The following SLC38A10 variants were observed in gnomAD, a reference collection of about 807,000 sequenced individuals.
SLC38A10 encodes the protein solute carrier family 38 member 10.
Under a neutral mutation model 81.0 loss-of-function variants are expected in SLC38A10, and 53 were observed. The ratio of observed to expected loss-of-function variants is 0.65; its 90% confidence interval spans 0.53 to 0.82. The LOEUF is 0.82. Ranked by LOEUF, SLC38A10 falls within the 40% of genes least tolerant of loss-of-function variation. SLC38A10 has a pLI of 0.00. For synonymous variants in SLC38A10, 665 were observed against 655.3 expected (o/e 1.01, Z -0.23); for missense variants, 1,471 against 1,545.0 (o/e 0.95, Z 0.80).
At chr17:81,285,967 T>C (rs1460388488) in intron 2 of SLC38A10, among the ~76,000 whole-genome samples, 3 of 152,154 alleles carry the variant, frequency 2.0e-5, no homozygotes, top group Non-Finnish European at 2.9e-5. Context: ...GACCTGCCTA[T>C]GGGCTCGCTG....
intron 11 of SLC38A10, 126 bp downstream of exon 11, chr17:81,260,112 C>T (rs2063007857): frequency 8.0e-7 from 1 of 1,242,828 alleles, no homozygotes; most frequent in Non-Finnish European, 1.1e-6. Context: ...GGTGGCCCCA[C>T]CCTGCTGGCT....
chr17:81,251,787 A>C (rs1467838857), intron 13 of SLC38A10, 175 bp from the exon 14 acceptor site: 17 of 668,820 alleles, frequency 2.5e-5, no homozygotes, highest in Non-Finnish European at 2.2e-6. Context: ...GCAATAAAAA[A>C]ATATTTAACA....
chr17:81,247,075 GCA>G lies in SLC38A10; in HGVS notation c.2066-16_2066-15del. The G allele has an allele frequency of 6.4e-7, 1 of 1,571,360 alleles. No individual in the cohort carries two copies. The highest frequency in any genetic ancestry group is 8.6e-7 in the Non-Finnish European group (1 of 1,160,862). Reference sequence around the variant, plus strand: ...CCCTGCCAGCTTCTGGGTTTGGAAAGCACACAGTCAGAGTGCCCGGGCTGCTC... The same window carrying G: ...CCCTGCCAGCTTCTGGGTTTGGAAAGCACAGTCAGAGTGCCCGGGCTGCTC... On this transcript the variant is annotated splice_polypyrimidine_tract_variant and intron_variant, in intron 14 of 15. Coordinates refer to ENST00000374759, the MANE Select transcript of SLC38A10 (RefSeq NM_001037984.3).
At chr17:81,294,627 G>T (rs975674310) in intron 1 of SLC38A10, among the ~76,000 whole-genome samples, 196 bp downstream of exon 1, 2 of 152,234 alleles carry the variant, frequency 1.3e-5, no homozygotes, top group South Asian at 4.1e-4. Context: ...GGCTGCCAGG[G>T]CCAACGCCGT....
intron 10 of SLC38A10, among the ~76,000 whole-genome samples, chr17:81,267,324 A>G (rs1262357119): frequency 6.6e-6 from 1 of 152,212 alleles, no homozygotes; most frequent in Non-Finnish European, 1.5e-5. Flanking sequence ...TAAAAAAATG[A>G]AGTCATTAAA....
At chr17:81,266,146 T>C (rs2063068390) in intron 10 of SLC38A10, among the ~76,000 whole-genome samples, 1 of 152,122 alleles carries the variant, frequency 6.6e-6, no homozygotes, top group South Asian at 2.1e-4. Context: ...CACAGGTGTG[T>C]GACGCCACAC....
rs765069453 is a variant in SLC38A10, at chr17:81,277,145, C to T, written c.627-12G>A. ...TGGGCAGCACCTGGCTGTATAGAAA[C>T]AGGCCATTTCACAGCGGACCTGAGA... On this transcript the variant is annotated splice_polypyrimidine_tract_variant and intron_variant, in intron 6 of 15. Coordinates refer to ENST00000374759, the MANE Select transcript of SLC38A10 (RefSeq NM_001037984.3). This position sits in a 1 kb window ranked among gnomAD's most constrained non-coding sequence, Gnocchi z 4.5. 2.5e-6 allele frequency: 4 copies of T among 1,613,072 alleles called. No individual in the cohort carries two copies. Among genetic ancestry groups the T allele is most frequent in the Non-Finnish European group, 2.5e-6 (3 of 1,179,526 alleles).
At position 81,269,216 on chromosome 17, in the gene SLC38A10, T is replaced by TA. The variant is rs554240902; in HGVS notation, c.1131+1701dup. ...TCTCACAACTCATAAACAAGATGAT[T>TA]AAAAAATCCATAAGGGGCTGGGTGT... On this transcript the variant is annotated intron_variant, in intron 10 of 15. Transcript: ENST00000374759. Among the ~76,000 whole-genome samples, 227 of 152,300 alleles carry TA rather than the reference T, an allele frequency of 1.5e-3. 1 individual carries two copies. Among genetic ancestry groups the TA allele is most frequent in the African/African-American group, 5.3e-3 (220 of 41,572 alleles).
At position 81,276,109 on chromosome 17, in the gene SLC38A10, C is replaced by T. The variant is rs751582985; in HGVS notation, c.772G>A (p.Gly258Ser). The T allele has an allele frequency of 2.5e-5, 41 of 1,613,488 alleles. No individual in the cohort carries two copies. Among genetic ancestry groups the T allele is most frequent in the Non-Finnish European group, 9.3e-6 (11 of 1,179,848 alleles). ...GYVSFTEATA[G>S]NVLMHFPSNL... is the part of the protein sequence containing the mutation. ...GAGGGAAAGTGCATGAGCACGTTGC[C>T]GGCCGTGGCCTCGGTGAAGCTGACG... is the stretch of plus-strand genomic sequence containing the variant. The change falls in exon 8 of 16, where the codon GGC (glycine) becomes AGC (serine). Residue 258 changes from glycine to serine, a missense_variant. By Grantham distance (56) the Gly-to-Ser change is moderately conservative. Coordinates refer to ENST00000374759, the MANE Select transcript of SLC38A10 (RefSeq NM_001037984.3). The surrounding 1 kb of genome is among the most constrained non-coding windows in gnomAD (Gnocchi z 4.7).
At chr17:81,260,713 G>A (rs887655881) in intron 10 of SLC38A10, among the ~76,000 whole-genome samples, 3 of 152,234 alleles carry the variant, frequency 2.0e-5, no homozygotes. Context: ...GCCAGCTGGG[G>A]TCATGGGCCA....
In SLC38A10 at chr17:81,253,160, C is replaced by A. The variant is rs1189085684; in HGVS notation, c.1369G>T (p.Ala457Ser). The change falls in exon 12 of 16, where the codon GCC (alanine) becomes TCC (serine). Residue 457 changes from alanine to serine, a missense_variant. Physicochemically the swap from Ala to Ser is moderately conservative, Grantham distance 99. This residue lies in a region of SLC38A10 where 720 missense variants were observed against 827.7 expected (regional missense o/e 0.87). Transcript: ENST00000374759. This position sits in a 1 kb window ranked among gnomAD's most constrained non-coding sequence, Gnocchi z 4.1. ...ACATCCACGGGCCCCTTGATCTGGG[C>A]CTGCTCCAGCTCCTCTCTCTCCTTC... ...LPKEREELEQ[A>S]QIKGPVDVPG... 1 of 1,613,846 alleles carries A rather than the reference C, an allele frequency of 6.2e-7. No homozygotes were observed. The highest frequency in any genetic ancestry group is 8.5e-7 in the Non-Finnish European group (1 of 1,180,048).
intron 1 of SLC38A10, 40 bp downstream of exon 1, chr17:81,294,783 G>C (rs1228453203): frequency 1.3e-6 from 2 of 1,520,738 alleles, no homozygotes; most frequent in East Asian, 2.6e-5. Context: ...CCCTCTGCGG[G>C]GGAGGCGAGG....
Position 81,253,329 on chromosome 17 carries a change from CCAAATGGCAG to C in SLC38A10, c.1289-99_1289-90del. On this transcript the variant is annotated intron_variant, in intron 11 of 15. Transcript: ENST00000374759. This position sits in a 1 kb window ranked among gnomAD's most constrained non-coding sequence, Gnocchi z 4.1. ...CCTGGACTGTTACCATATTTTCCAG[CCAAATGGCAG>C]AGTCAAAGCAGTTTCTTTTTCCTGT... is the stretch of plus-strand genomic sequence containing the variant. 6.8e-7 allele frequency: 1 copy of C among 1,473,768 alleles called. No homozygotes were observed. The highest frequency in any genetic ancestry group is 9.1e-7 in the Non-Finnish European group (1 of 1,094,542). 91.3% of individuals were successfully genotyped at this position (1,473,768 alleles called of 1,614,324 possible). A position where few individuals can be genotyped will look rare whatever the true frequency, so the allele number is the denominator to read the frequency against.
At chr17:81,275,748 G>A (rs2063155127) in intron 8 of SLC38A10, among the ~76,000 whole-genome samples, 1 of 135,516 alleles carries the variant, frequency 7.4e-6, no homozygotes, top group South Asian at 2.2e-4. Context: ...AAAGAGAACT[G>A]TGCAGTGAAC....
In SLC38A10 at chr17:81,277,058, A is replaced by T. The variant is rs143498783; in HGVS notation, c.702T>A (p.Leu234=). The change falls in exon 7 of 16, where the codon CTT becomes CTA. Residue 234 remains leucine (L), a synonymous_variant. Coordinates refer to ENST00000374759, the MANE Select transcript of SLC38A10 (RefSeq NM_001037984.3). The surrounding 1 kb of genome is among the most constrained non-coding windows in gnomAD (Gnocchi z 4.5). ...TGACGTAGAAGGTGGTGACCACATTAAGGGAGGAAGCAAATATGGAGCTCA... is the reference window on the plus strand; with the variant it reads ...TGACGTAGAAGGTGGTGACCACATTTAGGGAGGAAGCAAATATGGAGCTCA... ...KTMSSIFASS[L]NVVTTFYVMV... is the part of the protein sequence containing the mutation. 6.2e-7 allele frequency: 1 copy of T among 1,613,822 alleles called. No homozygotes were observed. Among genetic ancestry groups the T allele is most frequent in the Non-Finnish European group, 8.5e-7 (1 of 1,179,872 alleles).
chr17:81,281,202 C>T lies in SLC38A10; in HGVS notation c.502-469G>A, dbSNP rs1198978308. The stretch of plus-strand genomic sequence containing the variant: ...AGCTGCCACTGGGCTGGCCCTCACT[C>T]GGAGAGCTGAGGAGCACTGGAGACC... On this transcript the variant is annotated intron_variant, in intron 5 of 15. Coordinates refer to ENST00000374759, the MANE Select transcript of SLC38A10 (RefSeq NM_001037984.3). This position sits in a 1 kb window ranked among gnomAD's most constrained non-coding sequence, Gnocchi z 5.3. 1.3e-5 allele frequency among the ~76,000 whole-genome samples: 2 copies of T among 152,220 alleles called. No individual in the cohort carries two copies. Among genetic ancestry groups the T allele is most frequent in the Admixed American group, 6.5e-5 (1 of 15,286 alleles).
chr17:81,284,483 C>T (rs58324416), intron 3 of SLC38A10, among the ~76,000 whole-genome samples: 3,219 of 152,142 alleles, frequency 0.021, 116 homozygotes, highest in African/African-American at 0.073. Context: ...AATCTCCCAG[C>T]GATTTTTTCA....
intron 13 of SLC38A10, 170 bp downstream of exon 13, chr17:81,252,025 G>T: frequency 3.2e-6 from 3 of 929,724 alleles, no homozygotes; most frequent in Non-Finnish European, 4.7e-6. Context: ...TCAGCCACCA[G>T]CCTCTTCCTG....
At chr17:81,247,088 G>A (rs1237713670) in intron 14 of SLC38A10, 27 bp from the exon 15 acceptor site, 4 of 1,558,506 alleles carry the variant, frequency 2.6e-6, no homozygotes, top group Non-Finnish European at 1.7e-6. Context: ...CACAGTCAGA[G>A]TGCCCGGGCT....
Sources: gnomAD v4.1 joint callset for allele counts (sites outside exome capture counted in the v4.1 genomes callset) on GRCh38, gnomAD v4.1.1 for gene constraint, gnomAD v4.1.1 regional missense constraint, Gnocchi (gnomAD v3.1) non-coding constraint, MANE v1.5 for transcripts, NCBI Gene and HGNC (gene_info 2026-07-23, HGNC 2026-07-21) for gene names.